The following RAD51B variants were observed in gnomAD, a reference collection of about 807,000 sequenced individuals.
RAD51B encodes DNA repair protein RAD51 homolog 2.
A neutral mutation model predicts 42.2 loss-of-function variants in RAD51B; 38 were observed. The observed-to-expected ratio is 0.90, with a 90% CI of 0.70 to 1.18. The LOEUF (loss-of-function observed/expected upper bound fraction) is 1.18. RAD51B is among the 50% of genes most tolerant of loss of function. RAD51B has a pLI of 0.00. For synonymous variants in RAD51B, 154 were observed against 145.2 expected, an observed-to-expected ratio of 1.06 and a Z score of -0.43; for missense variants, 373 against 400.7, an observed-to-expected ratio of 0.93 and a Z score of 0.59.
At chr14:68,075,832 C>T (rs558392527) in intron 7 of RAD51B, among the ~76,000 whole-genome samples, 63 of 152,280 alleles carry the variant, frequency 4.1e-4, no homozygotes, top group Non-Finnish European at 6.3e-4. Context: ...TGTGGTCTGC[C>T]GGCAAAGCAA....
chr14:68,380,981 C>G (rs942900794), intron 8 of RAD51B, among the ~76,000 whole-genome samples: 1 of 152,324 alleles, frequency 6.6e-6, no homozygotes, highest in African/African-American at 2.4e-5. Flanking sequence ...TCTATTGATA[C>G]ATTTCTAAAT....
At chr14:68,016,002 G>A (rs186831993) in intron 7 of RAD51B, among the ~76,000 whole-genome samples, 192 of 152,242 alleles carry the variant, frequency 1.3e-3, no homozygotes, top group Non-Finnish European at 2.1e-3. Context: ...GCTGTTGATA[G>A]TAATCATTTT....
chr14:68,540,210 A>T, intron 10 of RAD51B: 2 of 930,042 alleles, frequency 2.2e-6, no homozygotes, highest in South Asian at 5.1e-5. Context: ...GATCTAGAGA[A>T]TTCAAATGAT....
intron 7 of RAD51B, among the ~76,000 whole-genome samples, chr14:67,967,568 C>T (rs935178288): frequency 5.9e-5 from 9 of 152,208 alleles, no homozygotes; most frequent in Non-Finnish European, 1.0e-4. Flanking sequence ...AAAGGGGCTA[C>T]AGGGCCCATG....
chr14:68,515,596 GCAC>G (rs1886087898), intron 10 of RAD51B, among the ~76,000 whole-genome samples: 3 of 150,172 alleles, frequency 2.0e-5, no homozygotes, highest in African/African-American at 7.3e-5. Flanking sequence ...CTACAGGTGT[GCAC>G]CACCATTCCT....
At chr14:68,470,482 G>C (rs1421839540) in intron 10 of RAD51B, 1 of 484,578 alleles carries the variant, frequency 2.1e-6, no homozygotes, top group Admixed American at 2.3e-5. Flanking sequence ...CTTCAGCTTT[G>C]GTATGATCTT....
intron 7 of RAD51B, among the ~76,000 whole-genome samples, chr14:68,063,203 GT>G (rs879288407): frequency 2.0e-5 from 3 of 151,656 alleles, no homozygotes; most frequent in East Asian, 1.9e-4. Flanking sequence ...TGGTCTTTTG[GT>G]TTTTTAAGTC....
intron 7 of RAD51B, among the ~76,000 whole-genome samples, chr14:67,947,259 C>T (rs575500300): frequency 6.6e-6 from 1 of 152,136 alleles, no homozygotes; most frequent in East Asian, 1.9e-4. Context: ...TGGGAAGGTC[C>T]AGTTGATTAG....
In RAD51B at chr14:67,935,995, C is replaced by A. The variant is rs2044928768; in HGVS notation, c.756+48791C>A. Among the ~76,000 whole-genome samples the A allele has an allele frequency of 2.6e-5, 4 of 152,222 alleles. No individual in the cohort carries two copies. The South Asian group carries it at 8.3e-4, about 32-fold the overall frequency. On this transcript the variant is annotated intron_variant, in intron 7 of 10. Transcript: ENST00000471583. ...AGAATATATATTAGAAAATAGATGT[C>A]ATTTTATTAATAGACCTTTTTAGAA...
intron 10 of RAD51B, among the ~76,000 whole-genome samples, chr14:68,574,667 A>G (rs1889880462): frequency 6.6e-6 from 1 of 152,218 alleles, no homozygotes; most frequent in African/African-American, 2.4e-5. Flanking sequence ...GCAGAAATGT[A>G]TTACTGCAAC....
chr14:68,227,137 T>A (rs2080054295), intron 7 of RAD51B, among the ~76,000 whole-genome samples: 1 of 152,202 alleles, frequency 6.6e-6, no homozygotes, highest in South Asian at 2.1e-4. Context: ...TGGCCAGAGA[T>A]GGAGAAACAA....
At chr14:68,540,786 T>A (rs544950621) in intron 10 of RAD51B, 1 of 985,236 alleles carries the variant, frequency 1.0e-6, no homozygotes, top group East Asian at 1.1e-4. Context: ...CAAGGTTGAG[T>A]AGAATTTCAA....
At chr14:67,951,386 TA>T (rs2074443013) in intron 7 of RAD51B, among the ~76,000 whole-genome samples, 1 of 152,230 alleles carries the variant, frequency 6.6e-6, no homozygotes, top group African/African-American at 2.4e-5. Flanking sequence ...GTTAAATTTT[TA>T]TGAGCTTTTT....
chr14:67,982,854 A>T (rs1485110801), intron 7 of RAD51B, among the ~76,000 whole-genome samples: 1 of 152,086 alleles, frequency 6.6e-6, no homozygotes, highest in African/African-American at 2.4e-5. Flanking sequence ...ACTTGAGCCC[A>T]GGAATTTGAG....
chr14:68,128,590 G>A (rs2077821288), intron 7 of RAD51B, among the ~76,000 whole-genome samples: 1 of 152,124 alleles, frequency 6.6e-6, no homozygotes, highest in Non-Finnish European at 1.5e-5. Flanking sequence ...TACACGGGAG[G>A]CTGAGGTGGG....
At chr14:68,028,716 G>C (rs1003030782) in intron 7 of RAD51B, among the ~76,000 whole-genome samples, 6 of 152,238 alleles carry the variant, frequency 3.9e-5, no homozygotes, top group African/African-American at 1.2e-4. Flanking sequence ...TGCTCTTGCA[G>C]TGGGGGGTCA....
At chr14:68,044,869 T>G (rs2076273801) in intron 7 of RAD51B, among the ~76,000 whole-genome samples, 2 of 152,126 alleles carry the variant, frequency 1.3e-5, no homozygotes, top group Non-Finnish European at 2.9e-5. Flanking sequence ...TAATCTCTGT[T>G]GCAGAAAGCA....
intron 8 of RAD51B, among the ~76,000 whole-genome samples, chr14:68,389,366 T>C (rs752182876): frequency 1.3e-5 from 2 of 152,176 alleles, no homozygotes; most frequent in Admixed American, 6.5e-5. Context: ...TTGAACTTTA[T>C]ATAAATGGAG....
At chr14:68,301,398 C>G (rs994978315) in intron 8 of RAD51B, among the ~76,000 whole-genome samples, 1 of 152,006 alleles carries the variant, frequency 6.6e-6, no homozygotes, top group Non-Finnish European at 1.5e-5. Flanking sequence ...AAACAACAGT[C>G]GATAAGTGGC....
Sources: gnomAD v4.1 joint callset for allele counts (sites outside exome capture counted in the v4.1 genomes callset) on GRCh38, gnomAD v4.1.1 for gene constraint, MANE v1.5 for transcripts, NCBI Gene and HGNC (gene_info 2026-07-23, HGNC 2026-07-21) for gene names.